Variants in CCDC77 observed in about 807,000 individuals in gnomAD.
CCDC77 encodes coiled-coil domain-containing protein 77.
A neutral mutation model predicts 66.8 loss-of-function variants in CCDC77; 56 were observed. The observed-to-expected ratio is 0.84, with a 90% CI of 0.68 to 1.05. CCDC77 has a LOEUF of 1.05. Ranked by LOEUF, CCDC77 falls within the 50% of genes least tolerant of loss-of-function variation. CCDC77 has a pLI of 0.00. For missense variants in CCDC77, 570 were observed against 576.8 expected (o/e 0.99, Z 0.12); for synonymous variants, 196 against 195.2 (o/e 1.00, Z -0.03).
rs371270708 is a variant in CCDC77, at chr12:441,903, G to T, written c.1450G>T (p.Glu484Ter). ...GTCGAAAGTGTTTGGTCTGGAGAATGAACTTAGACTCTGTTAATGTCTACT... is the reference window on the plus strand; with the variant it reads ...GTCGAAAGTGTTTGGTCTGGAGAATTAACTTAGACTCTGTTAATGTCTACT... ...LKSKVFGLEN[E>*]LRLC The change falls in exon 13 of 13, where the codon GAA becomes TAA. Residue 484 changes from glutamate to a stop codon, truncating the protein, a stop_gained. Coordinates refer to ENST00000239830, the MANE Select transcript of CCDC77 (RefSeq NM_032358.4). LOFTEE classifies it high-confidence loss of function. 13 of 1,614,012 alleles carry T rather than the reference G, an allele frequency of 8.1e-6. No individual in the cohort carries two copies. In the African/African-American group the frequency reaches 1.5e-4, roughly 18 times the overall value.
At chr12:393,821 T>G (rs1377388698) in intron 1 of CCDC77, among the ~76,000 whole-genome samples, 3 of 152,172 alleles carry the variant, frequency 2.0e-5, no homozygotes, top group Non-Finnish European at 4.4e-5. Flanking sequence ...CGTGAGCCAC[T>G]GCGTCCAGCC....
intron 7 of CCDC77, among the ~76,000 whole-genome samples, chr12:431,656 G>A (rs756176601): frequency 1.3e-5 from 2 of 152,216 alleles, no homozygotes; most frequent in African/African-American, 2.4e-5. Context: ...ATCCTGCAGA[G>A]TTCCCTTATA....
chr12:396,662 T>G (rs1944832379), upstream of CCDC77, among the ~76,000 whole-genome samples: 5 of 152,270 alleles, frequency 3.3e-5, no homozygotes, highest in South Asian at 8.3e-4. Flanking sequence ...AGTGGTAGTA[T>G]TTGAGTTGGC....
In CCDC77 at chr12:442,638, C is replaced by G. The variant is rs1262121075; in HGVS notation, c.*718C>G. On this transcript the variant is annotated 3_prime_UTR_variant, in exon 13 of 13. Coordinates refer to ENST00000239830, the MANE Select transcript of CCDC77 (RefSeq NM_032358.4). Reference sequence around the variant, plus strand: ...ACTATTTTCAATAAAATATTTCACTCAAAAGATTTTCTTTGAGTTTTCTGT... The same window carrying G: ...ACTATTTTCAATAAAATATTTCACTGAAAAGATTTTCTTTGAGTTTTCTGT... 1.3e-5 allele frequency: 2 copies of G among 152,190 alleles called. No homozygotes were observed. The highest frequency in any genetic ancestry group is 4.8e-5 in the African/African-American group (2 of 41,446). 9.4% of individuals were successfully genotyped at this position (152,190 alleles called of 1,614,324 possible).
intron 1 of CCDC77, among the ~76,000 whole-genome samples, chr12:391,332 G>A (rs962850810): frequency 5.3e-5 from 8 of 152,064 alleles, no homozygotes; most frequent in Non-Finnish European, 1.0e-4. Flanking sequence ...GCAGGCGCCT[G>A]TAATCCCAGC....
upstream of CCDC77, among the ~76,000 whole-genome samples, chr12:399,566 T>G (rs1323080961): frequency 6.6e-6 from 1 of 152,226 alleles, no homozygotes; most frequent in Non-Finnish European, 1.5e-5. Context: ...AAAGCAACAT[T>G]CATCTGTTTG....
rs542820385 is a variant in CCDC77, at chr12:395,007, T to G, written c.-113+5521T>G. ...TATACTATTTTAGTGATGATAAGAT[T>G]TTTTTAAAGTGGAGAAAGTAAGGGG... On this transcript the variant is annotated intron_variant, in intron 1 of 11. Transcript: ENST00000422000. 7 of 152,336 alleles carry G rather than the reference T, an allele frequency of 4.6e-5. 2 individuals are homozygous for G. The East Asian group carries it at 1.3e-3, about 29-fold the overall frequency. 9.4% of individuals were successfully genotyped at this position (152,336 alleles called of 1,614,324 possible).
At chr12:434,947 C>T (rs117184256) in intron 9 of CCDC77, among the ~76,000 whole-genome samples, 2,210 of 152,224 alleles carry the variant, frequency 0.015, 214 homozygotes, top group Admixed American at 0.13. Context: ...CTCCCATCCC[C>T]GTCTCAAACC....
intron 6 of CCDC77, among the ~76,000 whole-genome samples, chr12:429,085 G>A (rs1565574845): frequency 1.3e-5 from 2 of 152,202 alleles, no homozygotes; most frequent in South Asian, 2.1e-4. Flanking sequence ...GCACAGAGGG[G>A]TGGCTGTTTT....
At chr12:436,323 T>A (rs544627987) in intron 9 of CCDC77, among the ~76,000 whole-genome samples, 60 of 151,886 alleles carry the variant, frequency 4.0e-4, no homozygotes, top group African/African-American at 1.4e-3. Flanking sequence ...GAGACAAGGT[T>A]TCACCGTGTT....
Position 404,380 on chromosome 12 carries a change from A to G in CCDC77, c.-70-1131A>G, listed in dbSNP as rs138347735. ...AATTAAGAATACAAGTGAAGGAGTA[A>G]CTATTGGATGGAGGAGGATAGAAAC... On this transcript the variant is annotated intron_variant, in intron 1 of 12. Transcript: ENST00000239830. Among the ~76,000 whole-genome samples, 328 of 152,348 alleles carry G rather than the reference A, an allele frequency of 2.2e-3. 6 individuals are homozygous for G. The highest frequency in any genetic ancestry group is 3.7e-4 in the Non-Finnish European group (25 of 68,022).
chr12:409,637 C>T, intron 3 of CCDC77: 1 of 546,980 alleles, frequency 1.8e-6, no homozygotes, highest in South Asian at 2.2e-5. Context: ...CCACCTCAGC[C>T]TCCCAGAGTG....
Position 423,504 on chromosome 12 carries a change from T to G in CCDC77, c.413+4868T>G, listed in dbSNP as rs536193496. Among the ~76,000 whole-genome samples the G allele has an allele frequency of 1.3e-3, 144 of 108,202 alleles. 4 individuals carry two copies. The highest frequency in any genetic ancestry group is 0.01 in the Middle Eastern group (2 of 192). The allele number at this position is 108,202 out of a possible 152,430, so 71.0% of individuals were successfully genotyped here. ...GTTTTTTTTTGTTTTGTTTTTTTTT[T>G]TTTTTTTTTGAGACAGGGTCTTGCT... is the stretch of plus-strand genomic sequence containing the variant. On this transcript the variant is annotated intron_variant, in intron 5 of 12. Coordinates refer to ENST00000239830, the MANE Select transcript of CCDC77 (RefSeq NM_032358.4).
Position 415,445 on chromosome 12 carries a change from T to TTGA in CCDC77, c.271-3048_271-3047insGAT, listed in dbSNP as rs1269621498. 9.5e-4 allele frequency among the ~76,000 whole-genome samples: 120 copies of TTGA among 126,026 alleles called. 6 individuals are homozygous for TTGA. The highest frequency in any genetic ancestry group is 2.6e-3 in the African/African-American group (83 of 31,722). The allele number at this position is 126,026 out of a possible 152,430, so 82.7% of individuals were successfully genotyped here. A position where few individuals can be genotyped will look rare whatever the true frequency, so the allele number is the denominator to read the frequency against. On this transcript the variant is annotated intron_variant, in intron 4 of 12. Coordinates refer to ENST00000239830, the MANE Select transcript of CCDC77 (RefSeq NM_032358.4). Reference sequence around the variant, plus strand: ...TTAACATAATTAACATAATAATATGTTAATATTAACATAATTATTAACATA... The same window carrying TTGA: ...TTAACATAATTAACATAATAATATGTTGATAATATTAACATAATTATTAACATA...
At chr12:412,117 C>T (rs1323163293) in intron 4 of CCDC77, 139 bp downstream of exon 4, 1 of 675,504 alleles carries the variant, frequency 1.5e-6, no homozygotes, top group South Asian at 2.0e-5. Flanking sequence ...GCTATTGCCC[C>T]TTCAGGCCCT....
intron 3 of CCDC77, among the ~76,000 whole-genome samples, chr12:410,235 C>G (rs2137546396): frequency 6.6e-6 from 1 of 151,322 alleles, no homozygotes; most frequent in Non-Finnish European, 1.5e-5. Context: ...TTTATTTTCA[C>G]AGGAGGGTTT....
chr12:433,788 T>C (rs1945696446), intron 9 of CCDC77, among the ~76,000 whole-genome samples: 1 of 152,212 alleles, frequency 6.6e-6, no homozygotes, highest in Admixed American at 6.5e-5. Context: ...GCACACTCAG[T>C]ATTTTAATCA....
intron 1 of CCDC77, among the ~76,000 whole-genome samples, chr12:393,260 A>G (rs1465643693): frequency 6.6e-6 from 1 of 152,022 alleles, no homozygotes; most frequent in Non-Finnish European, 1.5e-5. Context: ...ACAGGTGTGC[A>G]TCGTTATGCC....
At chr12:440,077 G>A (rs61916593) in intron 10 of CCDC77, among the ~76,000 whole-genome samples, 35,194 of 152,110 alleles carry the variant, frequency 0.23, 4,306 homozygotes, top group Non-Finnish European at 0.26. Flanking sequence ...TAAGGAGGAA[G>A]TGGTATGCTC....
Sources: gnomAD v4.1 joint callset for allele counts (sites outside exome capture counted in the v4.1 genomes callset) on GRCh38, gnomAD v4.1.1 for gene constraint, MANE v1.5 for transcripts, NCBI Gene and HGNC (gene_info 2026-07-23, HGNC 2026-07-21) for gene names.